Variants in KDR observed in about 807,000 individuals in gnomAD.
KDR encodes kinase insert domain receptor, also known as vascular endothelial growth factor receptor 2.
A neutral mutation model predicts 160.9 loss-of-function variants in KDR; 43 were observed. The ratio of observed to expected loss-of-function variants is 0.27; its 90% CI spans 0.21 to 0.34. KDR has a LOEUF of 0.34. Among genes scored for constraint, KDR ranks in the 10% least tolerant of loss-of-function variants. The pLI is 1.00. For synonymous variants in KDR, 617 were observed against 600.1 expected, an observed-to-expected ratio of 1.03 and a Z score of -0.41; for missense variants, 1,469 against 1,666.4, an observed-to-expected ratio of 0.88 and a Z score of 2.06.
At chr4:55,118,481 T>A (rs528202381) in intron 3 of KDR, 123 bp downstream of exon 3, 1 of 758,400 alleles carries the variant, frequency 1.3e-6, no homozygotes, top group East Asian at 2.7e-5. Context: ...AAGAATTGTG[T>A]GTATTCCTCT....
At chr4:55,119,489 A>G (rs1440084965) in intron 2 of KDR, among the ~76,000 whole-genome samples, 1 of 152,214 alleles carries the variant, frequency 6.6e-6, no homozygotes, top group African/African-American at 2.4e-5. Flanking sequence ...TATTGTATAA[A>G]AGATAGTGTT....
At chr4:55,102,108 A>C (rs1481675148) in intron 14 of KDR, 80 bp from the exon 15 acceptor site, 7 of 1,575,674 alleles carry the variant, frequency 4.4e-6, no homozygotes, top group Non-Finnish European at 6.1e-6. Context: ...AGAAAATATA[A>C]ATGCTGCCCT....
chr4:55,117,781 A>T (rs1720771619), intron 3 of KDR, among the ~76,000 whole-genome samples: 1 of 152,260 alleles, frequency 6.6e-6, no homozygotes, highest in Admixed American at 6.5e-5. Flanking sequence ...TATTTGGTAC[A>T]TCCAACCAAA....
intron 18 of KDR, 125 bp from the exon 19 acceptor site, chr4:55,096,467 T>C: frequency 1.4e-6 from 1 of 690,616 alleles, no homozygotes; most frequent in Non-Finnish European, 2.6e-6. Context: ...TGACCTAGTT[T>C]ACAGACCACA....
chr4:55,106,580 A>C, intron 11 of KDR, 107 bp downstream of exon 11: 1 of 880,986 alleles, frequency 1.1e-6, no homozygotes, highest in East Asian at 2.5e-5. Context: ...GCTCTATTTA[A>C]TCATCCAGAC....
At position 55,098,818 on chromosome 4, in the gene KDR, T is replaced by C. The variant is rs773280041; in HGVS notation, c.2267-15A>G. On this transcript the variant is annotated splice_polypyrimidine_tract_variant and intron_variant, in intron 15 of 29. Transcript: ENST00000263923. ...TTCCTGGGCACCTGGAAAGACACAATTGAATGAGTATCAACAGTTGGAAAC... is the reference window on the plus strand; with the variant it reads ...TTCCTGGGCACCTGGAAAGACACAACTGAATGAGTATCAACAGTTGGAAAC... 5.8e-6 allele frequency: 9 copies of C among 1,552,778 alleles called. No homozygotes were observed. Among genetic ancestry groups the C allele is most frequent in the African/African-American group, 1.4e-5 (1 of 73,764 alleles).
chr4:55,097,258 G>A (rs761299171), intron 18 of KDR, among the ~76,000 whole-genome samples: 6 of 151,846 alleles, frequency 4.0e-5, no homozygotes, highest in Non-Finnish European at 7.4e-5. Context: ...TTCCAATTCT[G>A]GAGAACATGC....
At position 55,106,752 on chromosome 4, in the gene KDR, A is replaced by C; in HGVS notation, c.1471T>G (p.Phe491Val). ...PCEEWRSVEDFQGGNKIEVNK... is the reference protein window; with the variant it reads ...PCEEWRSVEDVQGGNKIEVNK... Reference sequence around the variant, plus strand: ...ACTTCAATTTTATTTCCTCCCTGGAAGTCCTCCACACTTCTCCATTCTTCA... The same window carrying C: ...ACTTCAATTTTATTTCCTCCCTGGACGTCCTCCACACTTCTCCATTCTTCA... The change falls in exon 11 of 30, where the codon TTC (phenylalanine) becomes GTC (valine). Residue 491 changes from phenylalanine to valine, a missense_variant. Transcript: ENST00000263923. 1 of 1,593,744 alleles carries C rather than the reference A, an allele frequency of 6.3e-7. No homozygotes were observed.
chr4:55,089,397 G>A lies in KDR; in HGVS notation c.3381C>T (p.Ala1127=), dbSNP rs768776921. The change falls in exon 25 of 30, where the codon GCC becomes GCT. Residue 1127 remains alanine (A), a synonymous_variant. Transcript: ENST00000263923. ...ACATTTCTGGTGTAGTATAATCAGG[G>A]GCCCTCATTCTAGTTCCTTCTTTCA... ...RRLKEGTRMR[A]PDYTTPEMYQ... 2 of 1,611,108 alleles carry A rather than the reference G, an allele frequency of 1.2e-6. No homozygotes were observed. Among genetic ancestry groups the A allele is most frequent in the South Asian group, 1.1e-5 (1 of 90,976 alleles).
chr4:55,080,684 C>T (rs776775220), intron 29 of KDR, among the ~76,000 whole-genome samples: 1 of 152,160 alleles, frequency 6.6e-6, no homozygotes, highest in Admixed American at 6.5e-5. Flanking sequence ...ACATATCAAA[C>T]GCTGCTTTTT....
chr4:55,097,562 G>T, intron 18 of KDR, 100 bp downstream of exon 18: 1 of 786,250 alleles, frequency 1.3e-6, no homozygotes, highest in Non-Finnish European at 2.2e-6. Flanking sequence ...TGTGTGGCTA[G>T]TAGGCCCACA....
Position 55,080,012 on chromosome 4 carries a change from C to G in KDR, c.4000G>C (p.Val1334Leu). The change falls in exon 30 of 30, where the codon GTG becomes CTG. Residue 1334 changes from valine to leucine, a missense_variant. Physicochemically the swap from Val to Leu is conservative, Grantham distance 32. Around this residue, in one of 7 missense-constraint regions of KDR, gnomAD observed 229 missense variants for 197.8 expected, o/e 1.16. Transcript: ENST00000263923. ...ATCTGGGCTGTGCTACCGGTTTGCA[C>G]TCCAATCTCTATCAGCTTTAAAAGT... ...AELLKLIEIG[V>L]QTGSTAQILQ... 3.7e-6 allele frequency: 6 copies of G among 1,614,204 alleles called. No homozygotes were observed. The East Asian group carries it at 1.3e-4, about 36-fold the overall frequency.
chr4:55,107,654 C>G, intron 10 of KDR, 83 bp downstream of exon 10: 1 of 1,580,860 alleles, frequency 6.3e-7, no homozygotes, highest in Non-Finnish European at 8.7e-7. Flanking sequence ...TTAGGCTTCT[C>G]CATTTAGGAT....
intron 29 of KDR, among the ~76,000 whole-genome samples, chr4:55,080,452 T>A (rs573535423): frequency 6.6e-6 from 1 of 151,972 alleles, no homozygotes; most frequent in Non-Finnish European, 1.5e-5. Context: ...CCCCAACTGA[T>A]GGAACATGTT....
At position 55,103,467 on chromosome 4, in the gene KDR, G is replaced by A. The variant is rs934177162; in HGVS notation, c.1988-959C>T. 5.9e-5 allele frequency among the ~76,000 whole-genome samples: 9 copies of A among 152,276 alleles called. No homozygotes were observed. The East Asian group carries it at 1.4e-3, about 23-fold the overall frequency. Reference sequence around the variant, plus strand: ...TTAGGGAAGCAAAGCAGCTAACTGCGAGCACATATTTTCTGGGCACAGCTA... The same window carrying A: ...TTAGGGAAGCAAAGCAGCTAACTGCAAGCACATATTTTCTGGGCACAGCTA... On this transcript the variant is annotated intron_variant, in intron 13 of 29. Coordinates refer to ENST00000263923, the MANE Select transcript of KDR (RefSeq NM_002253.4).
chr4:55,125,078 TCA>T, intron 1 of KDR, 147 bp downstream of exon 1: 2 of 783,080 alleles, frequency 2.6e-6, no homozygotes, highest in East Asian at 2.7e-5. Context: ...TCTCTGAGCC[TCA>T]GTTTCCCCAC....
chr4:55,104,473 A>G, intron 13 of KDR, 170 bp downstream of exon 13: 1 of 665,628 alleles, frequency 1.5e-6, no homozygotes, highest in Non-Finnish European at 2.7e-6. Context: ...TCGATATATC[A>G]TTTCATTATT....
intron 6 of KDR, among the ~76,000 whole-genome samples, 189 bp downstream of exon 6, chr4:55,113,937 G>A (rs1720662111): frequency 6.6e-6 from 1 of 152,180 alleles, no homozygotes; most frequent in South Asian, 2.1e-4. Context: ...ACCTTTTGGT[G>A]GGTGCTATCT....
intron 15 of KDR, 108 bp from the exon 16 acceptor site, chr4:55,098,911 A>G: frequency 1.3e-6 from 1 of 775,150 alleles, no homozygotes; most frequent in South Asian, 1.5e-5. Flanking sequence ...ACCAACTTGG[A>G]AAAATCCTAG....
Sources: gnomAD v4.1 joint callset for allele counts (sites outside exome capture counted in the v4.1 genomes callset) on GRCh38, gnomAD v4.1.1 for gene constraint, gnomAD v4.1.1 regional missense constraint, MANE v1.5 for transcripts, NCBI Gene and HGNC (gene_info 2026-07-23, HGNC 2026-07-21) for gene names.